Variants in NKAIN3 observed in about 807,000 individuals in gnomAD.
NKAIN3 encodes the protein sodium/potassium transporting ATPase interacting 3.
NKAIN3 carries 25 observed loss-of-function variants against 30.2 expected under a neutral mutation model. The ratio of observed to expected loss-of-function variants is 0.83; its 90% CI spans 0.60 to 1.16. NKAIN3 has a LOEUF of 1.16. Among genes scored for constraint, NKAIN3 ranks in the 50% most tolerant of loss-of-function variants. The pLI is 0.00. For missense variants in NKAIN3, 225 were observed against 254.1 expected, an observed-to-expected ratio of 0.89 and a Z score of 0.78; for synonymous variants, 91 against 89.6, an observed-to-expected ratio of 1.02 and a Z score of -0.09.
intron 4 of NKAIN3, among the ~76,000 whole-genome samples, chr8:62,826,724 C>T (rs990876105): frequency 6.6e-6 from 1 of 152,116 alleles, no homozygotes; most frequent in African/African-American, 2.4e-5. Flanking sequence ...GTGAAGGGTA[C>T]TAAGCTTTTG....
chr8:62,907,776 G>A (rs558846040), intron 4 of NKAIN3, among the ~76,000 whole-genome samples: 1 of 152,360 alleles, frequency 6.6e-6, no homozygotes, highest in African/African-American at 2.4e-5. Flanking sequence ...TTCAGAGGAT[G>A]TATGGAAATA....
chr8:62,312,803 T>A (rs929320756), intron 1 of NKAIN3, among the ~76,000 whole-genome samples: 1 of 144,782 alleles, frequency 6.9e-6, no homozygotes, highest in Non-Finnish European at 1.5e-5. Context: ...GAAGCCTGGG[T>A]GACAGAGTGA....
At chr8:62,689,945 A>AAAATAAATAAATAAAT (rs77511780) in intron 3 of NKAIN3, among the ~76,000 whole-genome samples, 4 of 145,462 alleles carry the variant, frequency 2.7e-5, no homozygotes, top group African/African-American at 7.7e-5. Flanking sequence ...CACCGCACTG[A>AAAATAAATAAATAAAT]AAATAAATAA....
At chr8:62,565,836 A>C (rs920348657) in intron 1 of NKAIN3, among the ~76,000 whole-genome samples, 10 of 152,170 alleles carry the variant, frequency 6.6e-5, no homozygotes, top group Admixed American at 4.6e-4. Context: ...CACATTAGAC[A>C]CTTAAATTAC....
chr8:62,754,391 C>T (rs1816384800), intron 4 of NKAIN3, among the ~76,000 whole-genome samples: 2 of 149,884 alleles, frequency 1.3e-5, no homozygotes, highest in Admixed American at 1.3e-4. Flanking sequence ...CACACATGCA[C>T]ACATATAAAG....
intron 2 of NKAIN3, among the ~76,000 whole-genome samples, chr8:62,586,632 G>A (rs571267327): frequency 1.3e-5 from 2 of 152,130 alleles, no homozygotes; most frequent in East Asian, 3.9e-4. Flanking sequence ...CTCGTAATTA[G>A]AAAATAAGCA....
At chr8:62,534,720 T>G (rs1808599093) in intron 1 of NKAIN3, among the ~76,000 whole-genome samples, 1 of 152,166 alleles carries the variant, frequency 6.6e-6, no homozygotes, top group African/African-American at 2.4e-5. Flanking sequence ...AGAATTTGAA[T>G]TTGTTGATGC....
intron 1 of NKAIN3, among the ~76,000 whole-genome samples, chr8:62,416,789 G>A (rs1417225169): frequency 1.3e-5 from 2 of 151,968 alleles, no homozygotes; most frequent in African/African-American, 2.4e-5. Flanking sequence ...GAGGTCAGGG[G>A]TTTGAGACTA....
chr8:62,391,964 G>A (rs879487891), intron 1 of NKAIN3, among the ~76,000 whole-genome samples: 3 of 151,878 alleles, frequency 2.0e-5, no homozygotes, highest in African/African-American at 4.8e-5. Flanking sequence ...TATCTTTGGT[G>A]TATTAATCTC....
At chr8:62,443,964 T>TA (rs1805408269) in intron 1 of NKAIN3, among the ~76,000 whole-genome samples, 1 of 152,290 alleles carries the variant, frequency 6.6e-6, no homozygotes, top group African/African-American at 2.4e-5. Flanking sequence ...CTGTTAGCGT[T>TA]ACTTTATATA....
intron 1 of NKAIN3, among the ~76,000 whole-genome samples, chr8:62,550,829 C>T (rs975828294): frequency 6.6e-6 from 1 of 152,160 alleles, no homozygotes; most frequent in Non-Finnish European, 1.5e-5. Context: ...ATGTTTTTGT[C>T]TGGCACAAGG....
intron 3 of NKAIN3, among the ~76,000 whole-genome samples, chr8:62,662,231 T>C (rs188424126): frequency 7.2e-5 from 11 of 152,204 alleles, no homozygotes; most frequent in Non-Finnish European, 1.5e-4. Flanking sequence ...CTGCCTTGGG[T>C]ACTCACTGAG....
rs1173263177 is a variant in NKAIN3, at chr8:62,248,975, T to G, written c.-99T>G. On this transcript the variant is annotated 5_prime_UTR_variant, in exon 1 of 7. Transcript: ENST00000623646. ...GCGGCGGCCGCGGGGCCGAGGAGCCTGGGCCGGGCCGGGCGGGGACTACTC... is the reference window on the plus strand; with the variant it reads ...GCGGCGGCCGCGGGGCCGAGGAGCCGGGGCCGGGCCGGGCGGGGACTACTC... The G allele has an allele frequency of 8.6e-7, 1 of 1,167,770 alleles. No individual in the cohort carries two copies. The highest frequency in any genetic ancestry group is 1.2e-6 in the Non-Finnish European group (1 of 832,352). 72.3% of individuals were successfully genotyped at this position (1,167,770 alleles called of 1,614,324 possible).
chr8:62,936,275 G>A (rs536372586), intron 5 of NKAIN3, among the ~76,000 whole-genome samples: 1 of 152,156 alleles, frequency 6.6e-6, no homozygotes, highest in South Asian at 2.1e-4. Context: ...GTAGACATCC[G>A]CTTCCTTTCC....
chr8:62,828,512 A>T (rs1819096000), intron 4 of NKAIN3, among the ~76,000 whole-genome samples: 1 of 152,162 alleles, frequency 6.6e-6, no homozygotes, highest in Non-Finnish European at 1.5e-5. Flanking sequence ...AGTAGACTAG[A>T]CTACCTCTAA....
chr8:62,571,100 G>A (rs1235255822), intron 1 of NKAIN3, among the ~76,000 whole-genome samples: 1 of 151,214 alleles, frequency 6.6e-6, no homozygotes, highest in Non-Finnish European at 1.5e-5. Flanking sequence ...GTATTTCCTA[G>A]GCCATTTCAA....
chr8:62,809,936 G>T lies in NKAIN3; in HGVS notation c.471+62807G>T, dbSNP rs1818436316. Among the ~76,000 whole-genome samples, 3 of 152,132 alleles carry T rather than the reference G, an allele frequency of 2.0e-5. No homozygotes were observed. The South Asian group carries it at 6.2e-4, about 31-fold the overall frequency. On this transcript the variant is annotated intron_variant, in intron 4 of 6. Coordinates refer to ENST00000623646, the MANE Select transcript of NKAIN3 (RefSeq NM_001304533.3). ...TCCCCTCACTTATTTTTATGACAGT[G>T]AAAGGAGATAGAATAATTGTAATTA...
chr8:62,590,348 A>C (rs925908553), intron 3 of NKAIN3, among the ~76,000 whole-genome samples: 2 of 151,864 alleles, frequency 1.3e-5, no homozygotes, highest in African/African-American at 4.8e-5. Context: ...CAGTTGTCTT[A>C]ATGCAGCAAT....
At chr8:62,292,771 A>G (rs1472685105) in intron 1 of NKAIN3, among the ~76,000 whole-genome samples, 2 of 152,240 alleles carry the variant, frequency 1.3e-5, no homozygotes, top group Admixed American at 1.3e-4. Flanking sequence ...CTGAATTTGA[A>G]TGTTGGCCTG....
Sources: allele counts gnomAD v4.1 joint callset (sites outside exome capture counted in the v4.1 genomes callset), GRCh38; gene constraint gnomAD v4.1.1; transcripts MANE v1.5; gene names NCBI Gene and HGNC (gene_info 2026-07-23, HGNC 2026-07-21).